Variants in RBFOX1 observed in about 807,000 individuals in gnomAD.
The protein encoded by RBFOX1 is RNA binding fox-1 homolog 1, also known as RNA binding protein fox-1 homolog 1.
RBFOX1 carries 8 observed loss-of-function variants against 57.7 expected under a neutral mutation model. The observed-to-expected ratio is 0.14, with a 90% CI of 0.08 to 0.25. RBFOX1 has a LOEUF of 0.25. Among genes scored for constraint, RBFOX1 ranks in the 10% least tolerant of loss-of-function variants. RBFOX1 has a pLI of 1.00. For missense variants in RBFOX1, 611 were observed against 548.5 expected (o/e 1.11, Z -1.14); for synonymous variants, 326 against 222.4 (o/e 1.47, Z -4.15).
chr16:7,018,964 T>G (rs1470830677), intron 3 of RBFOX1, among the ~76,000 whole-genome samples: 1 of 151,230 alleles, frequency 6.6e-6, no homozygotes, highest in African/African-American at 2.4e-5. Context: ...ACAAAAAAAT[T>G]AAAAAGCAAT....
intron 2 of RBFOX1, among the ~76,000 whole-genome samples, chr16:6,524,854 C>G (rs546858423): frequency 2.0e-5 from 3 of 152,140 alleles, no homozygotes; most frequent in Admixed American, 6.5e-5. Context: ...GTCTATGTGT[C>G]TCCAAATCTC....
intron 4 of RBFOX1, among the ~76,000 whole-genome samples, chr16:7,375,717 A>G (rs745866394): frequency 9.2e-5 from 14 of 152,164 alleles, no homozygotes; most frequent in Non-Finnish European, 1.9e-4. Flanking sequence ...CACCTTGCCT[A>G]TAAATAAATA....
chr16:6,937,660 G>C (rs768585744), intron 3 of RBFOX1, among the ~76,000 whole-genome samples: 50 of 152,110 alleles, frequency 3.3e-4, no homozygotes, highest in Non-Finnish European at 4.9e-4. Context: ...GCAAGGGTAT[G>C]GTGCGATGGG....
chr16:7,289,964 A>T (rs1206057743), intron 4 of RBFOX1, among the ~76,000 whole-genome samples: 1 of 152,184 alleles, frequency 6.6e-6, no homozygotes, highest in East Asian at 1.9e-4. Context: ...AGGTTAGGAT[A>T]AACTCTGTGG....
intron 4 of RBFOX1, among the ~76,000 whole-genome samples, chr16:7,073,601 T>C (rs535504140): frequency 6.6e-6 from 1 of 152,048 alleles, no homozygotes; most frequent in African/African-American, 2.4e-5. Context: ...CCAGCCCCTT[T>C]GGGAGGTCGA....
chr16:5,564,127 C>G (rs1029698351), intron 2 of RBFOX1, among the ~76,000 whole-genome samples: 1 of 152,146 alleles, frequency 6.6e-6, no homozygotes, highest in Non-Finnish European at 1.5e-5. Flanking sequence ...GATTCTCCTG[C>G]CTCAGCATCC....
Position 6,905,781 on chromosome 16 carries a change from G to A in RBFOX1, c.-15-146276G>A, listed in dbSNP as rs529167272. Among the ~76,000 whole-genome samples, 15 of 152,326 alleles carry A rather than the reference G, an allele frequency of 9.8e-5. No individual in the cohort carries two copies. The East Asian group carries it at 2.7e-3, about 27-fold the overall frequency. On this transcript the variant is annotated intron_variant, in intron 3 of 15. Transcript: ENST00000550418. ...ATGGAAATGGTATTTTCAAGAGACAGACTGAGCCGGTCCTGCCTAGGAAAC... is the reference window on the plus strand; with the variant it reads ...ATGGAAATGGTATTTTCAAGAGACAAACTGAGCCGGTCCTGCCTAGGAAAC...
intron 4 of RBFOX1, among the ~76,000 whole-genome samples, chr16:7,494,170 G>A (rs1414468557): frequency 6.6e-6 from 1 of 152,104 alleles, no homozygotes; most frequent in East Asian, 1.9e-4. Flanking sequence ...TGATTTTTTT[G>A]GACTGGGATG....
rs530681116 is a variant in RBFOX1, at chr16:6,858,230, T to A, written c.-15-193827T>A. 2.0e-5 allele frequency among the ~76,000 whole-genome samples: 3 copies of A among 152,360 alleles called. No individual in the cohort carries two copies. In the South Asian group the frequency reaches 6.2e-4, roughly 32 times the overall value. ...GTTGGTAAACGAAGGTTGAATGGTTTTGAGATTTATCTCAAATGATGAACT... is the reference window on the plus strand; with the variant it reads ...GTTGGTAAACGAAGGTTGAATGGTTATGAGATTTATCTCAAATGATGAACT... On this transcript the variant is annotated intron_variant, in intron 3 of 15. Transcript: ENST00000550418.
At chr16:5,837,715 C>G (rs893574411) in intron 3 of RBFOX1, among the ~76,000 whole-genome samples, 2 of 151,832 alleles carry the variant, frequency 1.3e-5, no homozygotes, top group Non-Finnish European at 2.9e-5. Flanking sequence ...ACCTTTAGAG[C>G]TCCATGTGGT....
chr16:6,708,253 T>C (rs901614548), intron 3 of RBFOX1, among the ~76,000 whole-genome samples: 3 of 151,048 alleles, frequency 2.0e-5, no homozygotes, highest in South Asian at 2.1e-4. Flanking sequence ...TTGAAAGTCA[T>C]TGTGTGGGCT....
intron 3 of RBFOX1, among the ~76,000 whole-genome samples, chr16:5,666,966 T>G (rs1021327730): frequency 6.6e-6 from 1 of 152,172 alleles, no homozygotes; most frequent in African/African-American, 2.4e-5. Context: ...AAGAAAAAAA[T>G]AGGGCAAGGC....
At chr16:7,160,044 G>A (rs1205807496) in intron 4 of RBFOX1, among the ~76,000 whole-genome samples, 1 of 152,154 alleles carries the variant, frequency 6.6e-6, no homozygotes, top group Non-Finnish European at 1.5e-5. Flanking sequence ...AACTGTGTCA[G>A]TGTGCCTGTT....
At chr16:5,335,080 AGT>A (rs2064861569) in intron 1 of RBFOX1, among the ~76,000 whole-genome samples, 1 of 152,178 alleles carries the variant, frequency 6.6e-6, no homozygotes, top group South Asian at 2.1e-4. Flanking sequence ...GCTCACTGGC[AGT>A]GTGTTTGTGG....
chr16:7,542,856 G>C (rs550943919), intron 5 of RBFOX1, among the ~76,000 whole-genome samples: 155 of 10,426 alleles, frequency 0.015, 1 homozygote, highest in Admixed American at 0.029. Context: ...AGGAGAGGGA[G>C]AAAGAGGGAA....
At position 5,993,810 on chromosome 16, in the gene RBFOX1, G is replaced by T. The variant is rs1440138533; in HGVS notation, c.351+126475G>T. On this transcript the variant is annotated intron_variant, in intron 4 of 19. Coordinates refer to the RBFOX1 transcript ENST00000641259. The stretch of plus-strand genomic sequence containing the variant: ...AATATTGCCGCTCATATGGCCGAAT[G>T]GTTCGTTTAAGTTAAATACTGTGCT... 2.0e-5 allele frequency among the ~76,000 whole-genome samples: 3 copies of T among 152,256 alleles called. 1 individual carries two copies. In the South Asian group the frequency reaches 6.2e-4, roughly 32 times the overall value.
intron 3 of RBFOX1, among the ~76,000 whole-genome samples, chr16:6,803,148 T>C (rs1364355686): frequency 6.6e-6 from 1 of 152,078 alleles, no homozygotes; most frequent in African/African-American, 2.4e-5. Flanking sequence ...TTTTTTTTTC[T>C]TTTAAATGCC....
At chr16:7,689,939 C>G (rs904898600) in intron 14 of RBFOX1, among the ~76,000 whole-genome samples, 5 of 152,052 alleles carry the variant, frequency 3.3e-5, no homozygotes, top group African/African-American at 1.2e-4. Flanking sequence ...GTTGCATAGT[C>G]TAAAACCTAA....
intron 3 of RBFOX1, chr16:6,704,711 A>G (rs992456969): frequency 1.3e-5 from 2 of 152,194 alleles, no homozygotes; most frequent in Non-Finnish European, 2.9e-5. Context: ...TGGAACATTC[A>G]GTATTGCAGA....
Sources: gnomAD v4.1 joint callset for allele counts (sites outside exome capture counted in the v4.1 genomes callset) on GRCh38, gnomAD v4.1.1 for gene constraint, MANE v1.5 for transcripts, NCBI Gene and HGNC (gene_info 2026-07-23, HGNC 2026-07-21) for gene names.